Variants in TUSC3 observed in about 807,000 individuals in gnomAD.
The protein encoded by TUSC3 is tumor suppressor candidate 3, also known as dolichyl-diphosphooligosaccharide--protein glycosyltransferase subunit TUSC3.
Under a neutral mutation model 44.8 loss-of-function variants are expected in TUSC3, and 45 were observed. That is an observed-to-expected ratio of 1.00 (90% CI 0.79 to 1.29). The LOEUF (loss-of-function observed/expected upper bound fraction) is 1.29. Ranked by LOEUF, TUSC3 falls within the 50% of genes most tolerant of loss-of-function variation. The pLI is 0.00. For synonymous variants in TUSC3, 212 were observed against 152.9 expected, an observed-to-expected ratio of 1.39 and a Z score of -2.85; for missense variants, 519 against 437.9, an observed-to-expected ratio of 1.19 and a Z score of -1.65.
chr8:15,424,963 G>A (rs1427118360), intron 1 of TUSC3, among the ~76,000 whole-genome samples: 4 of 152,006 alleles, frequency 2.6e-5, no homozygotes, highest in Non-Finnish European at 4.4e-5. Flanking sequence ...GAATTATATC[G>A]GTGATGGCAT....
intron 6 of TUSC3, among the ~76,000 whole-genome samples, chr8:15,720,239 G>A (rs971836649): frequency 1.9e-4 from 22 of 117,002 alleles, no homozygotes; most frequent in Non-Finnish European, 3.5e-4. Context: ...CACACAGAGA[G>A]AACATTTCTC....
At chr8:15,463,362 T>C (rs560788797) in intron 1 of TUSC3, among the ~76,000 whole-genome samples, 26 of 152,306 alleles carry the variant, frequency 1.7e-4, no homozygotes, top group African/African-American at 6.3e-4. Flanking sequence ...GAATTTTTTC[T>C]AGTGGCATAG....
In TUSC3 at chr8:15,594,555, A is replaced by T. The variant is rs935334899; in HGVS notation, c.139-28525A>T. Reference sequence around the variant, plus strand: ...ATGCAAGCAAGTATTTTGATCCTTTAAGTTCTTGATTATAAGATTTGTTAG... The same window carrying T: ...ATGCAAGCAAGTATTTTGATCCTTTTAGTTCTTGATTATAAGATTTGTTAG... On this transcript the variant is annotated intron_variant, in intron 1 of 10. Coordinates refer to ENST00000503731, the MANE Select transcript of TUSC3 (RefSeq NM_006765.4). 5.3e-5 allele frequency among the ~76,000 whole-genome samples: 8 copies of T among 152,040 alleles called. No homozygotes were observed. In the East Asian group the frequency reaches 9.7e-4, roughly 18 times the overall value.
At chr8:15,471,029 T>C (rs1427072875) in intron 1 of TUSC3, among the ~76,000 whole-genome samples, 1 of 152,164 alleles carries the variant, frequency 6.6e-6, no homozygotes, top group African/African-American at 2.4e-5. Context: ...ATCATAAAAA[T>C]GCAAGACAAT....
At chr8:15,594,031 T>A (rs1803965631) in intron 1 of TUSC3, among the ~76,000 whole-genome samples, 1 of 152,244 alleles carries the variant, frequency 6.6e-6, no homozygotes, top group Non-Finnish European at 1.5e-5. Flanking sequence ...ATATTTTATG[T>A]ATCCTTTCTC....
At chr8:15,735,107 A>G (rs1810876383) in intron 7 of TUSC3, among the ~76,000 whole-genome samples, 1 of 152,154 alleles carries the variant, frequency 6.6e-6, no homozygotes, top group Non-Finnish European at 1.5e-5. Context: ...ATGCCTGTTT[A>G]GGGAACAGAA....
intron 1 of TUSC3, among the ~76,000 whole-genome samples, chr8:15,612,035 T>C (rs966910485): frequency 2.6e-5 from 4 of 152,158 alleles, no homozygotes; most frequent in African/African-American, 4.8e-5. Context: ...TTTAAAAATA[T>C]AAGAAGAACA....
intron 2 of TUSC3, 27 bp downstream of exon 2, chr8:15,623,276 A>G: frequency 3.2e-6 from 5 of 1,553,174 alleles, no homozygotes; most frequent in Non-Finnish European, 3.5e-6. Context: ...AAAAATATTA[A>G]AAACTATTAT....
chr8:15,849,402 G>A, the TUSC3 span, among the ~76,000 whole-genome samples: 1 of 152,112 alleles, frequency 6.6e-6, no homozygotes, highest in Non-Finnish European at 1.5e-5. Context: ...AAAGACATAT[G>A]CCTTTCTTAT....
At chr8:15,638,354 C>G (rs183316701) in intron 2 of TUSC3, among the ~76,000 whole-genome samples, 18 of 151,958 alleles carry the variant, frequency 1.2e-4, no homozygotes, top group Middle Eastern at 6.8e-3. Context: ...TTTGATTATG[C>G]TTTTTGGAGA....
At chr8:15,676,399 T>C (rs1215366157) in intron 6 of TUSC3, among the ~76,000 whole-genome samples, 3 of 152,190 alleles carry the variant, frequency 2.0e-5, no homozygotes, top group Non-Finnish European at 4.4e-5. Context: ...AGTTTGTAAA[T>C]GTTTTCTCCT....
the TUSC3 span, among the ~76,000 whole-genome samples, chr8:15,776,694 C>T: frequency 2.0e-3 from 300 of 152,276 alleles, 2 homozygotes; most frequent in African/African-American, 6.9e-3. Context: ...CAATAATTGG[C>T]AGTGAGCTAT....
intron 1 of TUSC3, among the ~76,000 whole-genome samples, chr8:15,463,428 A>C (rs1563257882): frequency 6.6e-6 from 1 of 152,130 alleles, no homozygotes; most frequent in Non-Finnish European, 1.5e-5. Flanking sequence ...AATTATTTTT[A>C]AAAGATAATG....
intron 1 of TUSC3, among the ~76,000 whole-genome samples, chr8:15,565,606 A>G (rs1802637311): frequency 6.6e-6 from 1 of 152,156 alleles, no homozygotes; most frequent in South Asian, 2.1e-4. Context: ...CAGAGATTGT[A>G]TCTGTTTTCT....
chr8:15,454,844 A>G (rs1367555405), intron 1 of TUSC3, among the ~76,000 whole-genome samples: 5 of 152,212 alleles, frequency 3.3e-5, no homozygotes, highest in Admixed American at 6.5e-5. Flanking sequence ...CCTTGCATGT[A>G]TATTTTATTC....
chr8:15,840,958 T>C, the TUSC3 span, among the ~76,000 whole-genome samples: 1 of 152,256 alleles, frequency 6.6e-6, no homozygotes, highest in East Asian at 1.9e-4. Context: ...CACTGTTGTA[T>C]TGAAAGTGGT....
chr8:15,642,885 C>G (rs1806442864), intron 2 of TUSC3, among the ~76,000 whole-genome samples: 2 of 152,254 alleles, frequency 1.3e-5, no homozygotes, highest in East Asian at 1.9e-4. Context: ...TTAATTCACC[C>G]ATTTATTCAT....
the TUSC3 span, among the ~76,000 whole-genome samples, chr8:15,779,731 A>C: frequency 6.6e-6 from 1 of 152,182 alleles, no homozygotes; most frequent in African/African-American, 2.4e-5. Context: ...ATTTTTGGTA[A>C]GCATAAAAGT....
At chr8:15,718,949 T>G (rs1314841149) in intron 6 of TUSC3, among the ~76,000 whole-genome samples, 2 of 152,078 alleles carry the variant, frequency 1.3e-5, no homozygotes, top group Non-Finnish European at 2.9e-5. Flanking sequence ...TGTATATATT[T>G]TTTCCTTTAA....
Sources: allele counts gnomAD v4.1 joint callset (sites outside exome capture counted in the v4.1 genomes callset), GRCh38; gene constraint gnomAD v4.1.1; transcripts MANE v1.5; gene names NCBI Gene and HGNC (gene_info 2026-07-23, HGNC 2026-07-21).